The following TBCD variants were observed in gnomAD, a reference collection of about 807,000 sequenced individuals.
TBCD encodes the protein tubulin folding cofactor D, also known as tubulin-specific chaperone D.
In TBCD, 105 loss-of-function variants were observed where a neutral mutation model predicts 169.3. That is an observed-to-expected ratio of 0.62 (90% CI 0.53 to 0.73). TBCD has a LOEUF of 0.73. Ranked by LOEUF, TBCD falls within the 30% of genes least tolerant of loss-of-function variation. The probability of loss-of-function intolerance (pLI) is 0.00; values close to 1 mark genes in which losing one functional copy is unlikely to be tolerated. For synonymous variants in TBCD, 700 were observed against 643.9 expected, an observed-to-expected ratio of 1.09 and a Z score of -1.32; for missense variants, 1,444 against 1,600.1, an observed-to-expected ratio of 0.90 and a Z score of 1.66.
In TBCD at chr17:82,831,322, T is replaced by C; in HGVS notation, c.1318+16388T>C. 1.9e-6 allele frequency: 3 copies of C among 1,614,018 alleles called. No individual in the cohort carries two copies. Among genetic ancestry groups the C allele is most frequent in the Non-Finnish European group, 2.5e-6 (3 of 1,180,026 alleles). ...GTCTTTAGCCTCAGGAATTGGACTT[T>C]CGAACTCGACGTGTTTTCTGTTGGG... On this transcript the variant is annotated intron_variant, in intron 13 of 38. Coordinates refer to ENST00000355528, the MANE Select transcript of TBCD (RefSeq NM_005993.5). This position sits in a 1 kb window ranked among gnomAD's most constrained non-coding sequence, Gnocchi z 4.6.
rs1241037757 is a variant in TBCD at position 82,833,748 on chromosome 17, C to T, written c.1318+18814C>T. On this transcript the variant is annotated intron_variant, in intron 13 of 38. Coordinates refer to ENST00000355528, the MANE Select transcript of TBCD (RefSeq NM_005993.5). This position sits in a 1 kb window ranked among gnomAD's most constrained non-coding sequence, Gnocchi z 4.7. ...TGGTTGGGTCATGGGAGGAAGCTGT[C>T]CTGGCCCTTAACCTTTAGGGAGTGG... is the stretch of plus-strand genomic sequence containing the variant. Among the ~76,000 whole-genome samples the T allele has an allele frequency of 6.6e-6, 1 of 152,160 alleles. No individual in the cohort carries two copies. The highest frequency in any genetic ancestry group is 2.4e-5 in the African/African-American group (1 of 41,444).
Position 82,920,696 on chromosome 17 carries a change from G to A in TBCD, c.2101+78G>A. On this transcript the variant is annotated intron_variant, in intron 24 of 38. Coordinates refer to ENST00000355528, the MANE Select transcript of TBCD (RefSeq NM_005993.5). The surrounding 1 kb of genome is among the most constrained non-coding windows in gnomAD (Gnocchi z 4.1). ...TAAAAGGTAAAAATGAACCTGTTAGGATGGGGGCGATAAACGATTATAGCT... is the reference window on the plus strand; with the variant it reads ...TAAAAGGTAAAAATGAACCTGTTAGAATGGGGGCGATAAACGATTATAGCT... The A allele has an allele frequency of 8.1e-7, 1 of 1,230,530 alleles. No individual in the cohort carries two copies. Among genetic ancestry groups the A allele is most frequent in the Non-Finnish European group, 1.1e-6 (1 of 877,538 alleles). The allele number at this position is 1,230,530 out of a possible 1,614,324, so 76.2% of individuals were successfully genotyped here.
At chr17:82,842,950 T>C (rs2054652457) in intron 13 of TBCD, among the ~76,000 whole-genome samples, 1 of 151,840 alleles carries the variant, frequency 6.6e-6, no homozygotes, top group African/African-American at 2.4e-5. Context: ...CCGGCTGATT[T>C]TTTGTATTTT....
intron 14 of TBCD, among the ~76,000 whole-genome samples, chr17:82,875,600 C>T (rs1026102046): frequency 4.6e-5 from 7 of 152,198 alleles, no homozygotes; most frequent in East Asian, 1.9e-4. Flanking sequence ...TGCTGAGCGG[C>T]GCGGCCCAGG....
chr17:82,871,947 T>C, intron 14 of TBCD, among the ~76,000 whole-genome samples: 1 of 147,334 alleles, frequency 6.8e-6, no homozygotes. Flanking sequence ...AAGCAGCTCG[T>C]TGTGAGGCAC....
At position 82,831,794 on chromosome 17, in the gene TBCD, T is replaced by C; in HGVS notation, c.1318+16860T>C. 1 of 1,614,098 alleles carries C rather than the reference T, an allele frequency of 6.2e-7. No homozygotes were observed. The highest frequency in any genetic ancestry group is 8.5e-7 in the Non-Finnish European group (1 of 1,180,024). On this transcript the variant is annotated intron_variant, in intron 13 of 38. Coordinates refer to ENST00000355528, the MANE Select transcript of TBCD (RefSeq NM_005993.5). This position sits in a 1 kb window ranked among gnomAD's most constrained non-coding sequence, Gnocchi z 4.6. ...CCAAGCCCCTTTGTAGATGAGATTT[T>C]ATGTGGAAACTCTGGTGGAAGGAAA...
chr17:82,862,068 G>A (rs149747804), intron 13 of TBCD, among the ~76,000 whole-genome samples: 3,748 of 152,028 alleles, frequency 0.025, 175 homozygotes, highest in African/African-American at 0.086. Context: ...GACTACAGGC[G>A]CCCGCCACCT....
rs916533825 is a variant in TBCD, at chr17:82,915,624, C to G, written c.2038+3835C>G. 2.0e-5 allele frequency among the ~76,000 whole-genome samples: 3 copies of G among 152,180 alleles called. No homozygotes were observed. The highest frequency in any genetic ancestry group is 7.2e-5 in the African/African-American group (3 of 41,442). On this transcript the variant is annotated intron_variant, in intron 23 of 38. Transcript: ENST00000355528. This position sits in a 1 kb window ranked among gnomAD's most constrained non-coding sequence, Gnocchi z 4.3. ...CTGCGTTTTGCTCTTGAAACAATCC[C>G]CAAGTTTCAGTGTCTTAAAACCACA...
intron 13 of TBCD, chr17:82,840,330 G>A (rs1430605925): frequency 6.6e-6 from 1 of 152,264 alleles, no homozygotes; most frequent in East Asian, 1.9e-4. Context: ...CACACCCGAT[G>A]AATATTTGGC....
At chr17:82,872,890 CG>C in intron 14 of TBCD, among the ~76,000 whole-genome samples, 1 of 118,586 alleles carries the variant, frequency 8.4e-6, no homozygotes, top group East Asian at 2.3e-4. Flanking sequence ...ACCTGGTGGC[CG>C]ACGGCTTCTG....
intron 7 of TBCD, among the ~76,000 whole-genome samples, chr17:82,795,144 C>T (rs1409787684): frequency 1.3e-5 from 2 of 152,250 alleles, no homozygotes; most frequent in Non-Finnish European, 2.9e-5. Flanking sequence ...AATTGAGTAA[C>T]TAAACAACGT....
At chr17:82,794,170 C>T (rs1442780158) in intron 7 of TBCD, among the ~76,000 whole-genome samples, 1 of 152,142 alleles carries the variant, frequency 6.6e-6, no homozygotes, top group African/African-American at 2.4e-5. Context: ...GAGCCTCAAA[C>T]CAGCATCTCC....
Position 82,820,802 on chromosome 17 carries a change from A to G in TBCD, c.1318+5868A>G, listed in dbSNP as rs145124149. ...TTGGTAAGCTTGATGGTGCCCTATG[A>G]GTCTCTTAGGTTCTGTGCTCATTTC... is the stretch of plus-strand genomic sequence containing the variant. On this transcript the variant is annotated intron_variant, in intron 13 of 38. Coordinates refer to ENST00000355528, the MANE Select transcript of TBCD (RefSeq NM_005993.5). Among the ~76,000 whole-genome samples, 181 of 146,146 alleles carry G rather than the reference A, an allele frequency of 1.2e-3. 1 individual carries two copies. The Middle Eastern group carries it at 0.018, about 14-fold the overall frequency.
intron 6 of TBCD, among the ~76,000 whole-genome samples, chr17:82,779,098 G>C (rs187207862): frequency 2.7e-5 from 4 of 148,522 alleles, no homozygotes; most frequent in Admixed American, 2.0e-4. Flanking sequence ...TGCAACCTCC[G>C]CCTCCTGAGT....
At chr17:82,758,642 C>G (rs937006304) in intron 2 of TBCD, among the ~76,000 whole-genome samples, 25 of 141,416 alleles carry the variant, frequency 1.8e-4, no homozygotes, top group African/African-American at 6.1e-4. Flanking sequence ...TTTTTCCACC[C>G]TTTTGCTTTT....
Position 82,766,405 on chromosome 17 carries a change from C to T in TBCD, c.435+37C>T, listed in dbSNP as rs201991084. ...TGCCTCCCCCCTCGTCTCCAGCCCT[C>T]CGTGCCTGTCCTTCCTCCCTGCTTG... On this transcript the variant is annotated intron_variant, in intron 4 of 38. Coordinates refer to ENST00000355528, the MANE Select transcript of TBCD (RefSeq NM_005993.5). The T allele has an allele frequency of 9.1e-5, 138 of 1,510,628 alleles. 3 individuals are homozygous for T. The highest frequency in any genetic ancestry group is 9.1e-4 in the South Asian group (79 of 86,550). The allele number at this position is 1,510,628 out of a possible 1,614,324, so 93.6% of individuals were successfully genotyped here. A position where few individuals can be genotyped will look rare whatever the true frequency, so the allele number is the denominator to read the frequency against.
chr17:82,769,548 G>C (rs1469261379), intron 5 of TBCD, among the ~76,000 whole-genome samples: 1 of 152,186 alleles, frequency 6.6e-6, no homozygotes, highest in African/African-American at 2.4e-5. Context: ...AACACTCATA[G>C]ATTAATCTTT....
At chr17:82,860,501 T>C in intron 13 of TBCD, 1 of 934,008 alleles carries the variant, frequency 1.1e-6, no homozygotes, top group East Asian at 1.2e-4. Flanking sequence ...GGCTGATTAA[T>C]TTGCAAACAG....
At chr17:82,900,195 C>T (rs1031083482) in intron 17 of TBCD, among the ~76,000 whole-genome samples, 8 of 152,182 alleles carry the variant, frequency 5.3e-5, no homozygotes, top group South Asian at 2.1e-4. Context: ...ATTCCCGCCT[C>T]GGTCCTCCCC....
Sources: gnomAD v4.1 joint callset for allele counts (sites outside exome capture counted in the v4.1 genomes callset) on GRCh38, gnomAD v4.1.1 for gene constraint, Gnocchi (gnomAD v3.1) non-coding constraint, MANE v1.5 for transcripts, NCBI Gene and HGNC (gene_info 2026-07-23, HGNC 2026-07-21) for gene names.